Variants in CDH13 observed in about 807,000 individuals in gnomAD.
CDH13 encodes the protein cadherin 13, also known as cadherin-13.
Under a neutral mutation model 63.8 loss-of-function variants are expected in CDH13, and 24 were observed. The observed-to-expected ratio is 0.38, with a 90% confidence interval of 0.27 to 0.53. The LOEUF (loss-of-function observed/expected upper bound fraction) is 0.53, where lower values mean the gene tolerates loss of function less well. Among genes scored for constraint, CDH13 ranks in the 20% least tolerant of loss-of-function variants. The pLI is 0.85. For synonymous variants in CDH13, 503 were observed against 355.3 expected, an observed-to-expected ratio of 1.42 and a Z score of -4.67; for missense variants, 1,049 against 903.1, an observed-to-expected ratio of 1.16 and a Z score of -2.07.
intron 1 of CDH13, among the ~76,000 whole-genome samples, chr16:82,738,790 C>G (rs894226809): frequency 1.3e-5 from 2 of 152,164 alleles, no homozygotes; most frequent in African/African-American, 4.8e-5. Context: ...TTCATATAAC[C>G]TTGGTGGTTC....
chr16:83,281,354 G>C (rs1367088105), intron 5 of CDH13, among the ~76,000 whole-genome samples: 1 of 152,134 alleles, frequency 6.6e-6, no homozygotes, highest in Non-Finnish European at 1.5e-5. Flanking sequence ...AGCCTTTATA[G>C]CACTGAAGAG....
intron 2 of CDH13, among the ~76,000 whole-genome samples, chr16:82,994,576 C>G (rs181378715): frequency 6.6e-6 from 1 of 152,180 alleles, no homozygotes; most frequent in Non-Finnish European, 1.5e-5. Context: ...TTAGAAAGAG[C>G]TGATATACTG....
intron 3 of CDH13, among the ~76,000 whole-genome samples, chr16:83,057,831 A>AT (rs1203323024): frequency 6.6e-6 from 1 of 152,184 alleles, no homozygotes; most frequent in African/African-American, 2.4e-5. Context: ...GCACACTTGT[A>AT]TTTTTTATGG....
At chr16:82,809,054 A>G (rs28736587) in intron 1 of CDH13, among the ~76,000 whole-genome samples, 23,623 of 151,990 alleles carry the variant, frequency 0.16, 1,949 homozygotes, top group Admixed American at 0.21. Context: ...ATATGTATGA[A>G]TACATATGTG....
intron 5 of CDH13, among the ~76,000 whole-genome samples, chr16:83,298,880 A>C (rs759372067): frequency 2.2e-4 from 34 of 152,234 alleles, no homozygotes; most frequent in Non-Finnish European, 3.5e-4. Context: ...TTAATAGAGA[A>C]GTGTTATCTT....
intron 5 of CDH13, among the ~76,000 whole-genome samples, chr16:83,336,300 CAAAAAAAAAAAAA>C (rs376325733): frequency 1.8e-4 from 9 of 49,050 alleles, no homozygotes; most frequent in Admixed American, 8.1e-4. Flanking sequence ...GACTCCATCT[CAAAAAAAAAAAAA>C]AAAAAGAAAT....
At chr16:82,964,076 AG>A (rs1174536636) in intron 2 of CDH13, among the ~76,000 whole-genome samples, 3 of 152,182 alleles carry the variant, frequency 2.0e-5, no homozygotes, top group Non-Finnish European at 4.4e-5. Context: ...GGATTTGTAC[AG>A]TATGACCCTC....
chr16:83,694,153 C>T lies in CDH13; in HGVS notation c.1538+15692C>T, dbSNP rs183310157. ...AGACAGACTGGAAAAAATGAGTAGC[C>T]GCCAGATAGAACTCAAGGGGAGGGA... On this transcript the variant is annotated intron_variant, in intron 10 of 13. Transcript: ENST00000567109. Among the ~76,000 whole-genome samples, 21 of 152,222 alleles carry T rather than the reference C, an allele frequency of 1.4e-4. No homozygotes were observed. The East Asian group carries it at 1.5e-3, about 11-fold the overall frequency.
intron 6 of CDH13, among the ~76,000 whole-genome samples, chr16:83,387,545 C>T (rs75288246): frequency 0.11 from 16,380 of 152,236 alleles, 1,152 homozygotes; most frequent in Non-Finnish European, 0.16. Flanking sequence ...GAACAAACCT[C>T]CTCCCTTAAA....
rs568814611 is a variant in CDH13 at position 82,827,160 on chromosome 16, A to G, written c.46-31202A>G. On this transcript the variant is annotated intron_variant, in intron 1 of 13. Transcript: ENST00000567109. ...TTTTTTGAAAAATAATACTGTTAAT[A>G]TAGTAAAATGTAGTTGTTGGACTCT... is the stretch of plus-strand genomic sequence containing the variant. Among the ~76,000 whole-genome samples the G allele has an allele frequency of 1.1e-3, 175 of 152,200 alleles. 1 individual carries two copies. Among genetic ancestry groups the G allele is most frequent in the Middle Eastern group, 3.2e-3 (1 of 316 alleles).
intron 4 of CDH13, among the ~76,000 whole-genome samples, chr16:83,148,823 A>G (rs141889472): frequency 1.3e-5 from 2 of 152,222 alleles, no homozygotes; most frequent in East Asian, 1.9e-4. Context: ...AACTCATTCA[A>G]AAATATTTAC....
chr16:83,695,858 C>T (rs575873808), intron 10 of CDH13, among the ~76,000 whole-genome samples: 34 of 151,452 alleles, frequency 2.2e-4, no homozygotes, highest in Admixed American at 4.6e-4. Context: ...GTGAAAGAGA[C>T]GGAATTCAAA....
intron 4 of CDH13, among the ~76,000 whole-genome samples, chr16:83,156,272 G>T (rs1215761656): frequency 2.0e-5 from 3 of 152,040 alleles, no homozygotes; most frequent in Non-Finnish European, 2.9e-5. Context: ...CTTTGTTAAG[G>T]GCCACTGGTT....
At chr16:83,432,960 A>G (rs1213985503) in intron 6 of CDH13, among the ~76,000 whole-genome samples, 3 of 152,224 alleles carry the variant, frequency 2.0e-5, no homozygotes, top group Non-Finnish European at 2.9e-5. Flanking sequence ...ACTTTACAAA[A>G]CAGAAGCCAT....
chr16:83,585,779 C>T (rs558739791), intron 7 of CDH13, among the ~76,000 whole-genome samples: 69 of 152,130 alleles, frequency 4.5e-4, no homozygotes, highest in South Asian at 1.7e-3. Context: ...ATACAGGGCT[C>T]GTGGAAAGAG....
chr16:82,979,520 A>T (rs1287681155), intron 2 of CDH13, among the ~76,000 whole-genome samples: 1 of 151,842 alleles, frequency 6.6e-6, no homozygotes, highest in Non-Finnish European at 1.5e-5. Flanking sequence ...TTCTCATGGG[A>T]TCTGATGGTT....
chr16:83,545,524 G>T (rs1156751466), intron 7 of CDH13, among the ~76,000 whole-genome samples: 1 of 152,154 alleles, frequency 6.6e-6, no homozygotes, highest in Non-Finnish European at 1.5e-5. Flanking sequence ...CCTGGACAAG[G>T]CCTTCATGGC....
chr16:83,587,568 A>C (rs188979230), intron 7 of CDH13, among the ~76,000 whole-genome samples: 2 of 152,348 alleles, frequency 1.3e-5, no homozygotes, highest in East Asian at 1.9e-4. Flanking sequence ...ATTAGAAAAC[A>C]TACAGAGAGT....
At chr16:82,683,241 C>A (rs946600459) in intron 1 of CDH13, among the ~76,000 whole-genome samples, 7 of 152,142 alleles carry the variant, frequency 4.6e-5, no homozygotes, top group Non-Finnish European at 1.0e-4. Flanking sequence ...TACCTGTTTG[C>A]CCCTTTCTGT....
Sources: gnomAD v4.1 joint callset for allele counts (sites outside exome capture counted in the v4.1 genomes callset) on GRCh38, gnomAD v4.1.1 for gene constraint, MANE v1.5 for transcripts, NCBI Gene and HGNC (gene_info 2026-07-23, HGNC 2026-07-21) for gene names.